Variants in BICC1 observed in about 807,000 individuals in gnomAD.
The protein encoded by BICC1 is protein bicaudal C homolog 1.
A neutral mutation model predicts 111.0 loss-of-function variants in BICC1; 43 were observed. The ratio of observed to expected loss-of-function variants is 0.39; its 90% CI spans 0.30 to 0.50. The LOEUF is 0.50. Ranked by LOEUF, BICC1 falls within the 20% of genes least tolerant of loss-of-function variation. The pLI is 0.88. For missense variants in BICC1, 1,091 were observed against 1,203.2 expected, an observed-to-expected ratio of 0.91 and a Z score of 1.38; for synonymous variants, 467 against 434.4, an observed-to-expected ratio of 1.07 and a Z score of -0.93.
chr10:58,556,809 C>T (rs1184106468), intron 1 of BICC1, among the ~76,000 whole-genome samples: 1 of 152,034 alleles, frequency 6.6e-6, no homozygotes, highest in African/African-American at 2.4e-5. Flanking sequence ...TGTTTCTTCT[C>T]AGTCATATGA....
intron 1 of BICC1, among the ~76,000 whole-genome samples, chr10:58,558,828 C>T (rs192832372): frequency 6.6e-6 from 1 of 152,142 alleles, no homozygotes; most frequent in African/African-American, 2.4e-5. Flanking sequence ...ATGATGCCTT[C>T]TAGCTGCATC....
intron 3 of BICC1, among the ~76,000 whole-genome samples, chr10:58,759,095 G>C (rs1842229870): frequency 6.6e-6 from 1 of 151,946 alleles, no homozygotes; most frequent in Non-Finnish European, 1.5e-5. Flanking sequence ...GAGTAGCTGG[G>C]ATTACAGGTG....
intron 3 of BICC1, among the ~76,000 whole-genome samples, chr10:58,728,923 A>G (rs1376061414): frequency 6.6e-6 from 1 of 152,130 alleles, no homozygotes; most frequent in Non-Finnish European, 1.5e-5. Context: ...AAGTCTCAAC[A>G]GTGGGCTTAA....
At chr10:58,638,869 TTCTCTTTTTTCTCTTC>T (rs1315501304) in intron 2 of BICC1, among the ~76,000 whole-genome samples, 2 of 1,174 alleles carry the variant, frequency 1.7e-3, no homozygotes, top group African/African-American at 6.8e-3. Context: ...CTTTTTTCTC[TTCTCTTTTTTCTCTTC>T]TCTTTTTTCT....
intron 2 of BICC1, among the ~76,000 whole-genome samples, chr10:58,679,847 T>G (rs2132355371): frequency 6.6e-6 from 1 of 152,286 alleles, no homozygotes; most frequent in Non-Finnish European, 1.5e-5. Context: ...CATGATCATG[T>G]TGGCTTTATC....
chr10:58,605,444 CCT>C (rs1278399231), intron 1 of BICC1, among the ~76,000 whole-genome samples: 1 of 152,158 alleles, frequency 6.6e-6, no homozygotes, highest in Admixed American at 6.5e-5. Context: ...CTTTTATCCT[CCT>C]CTGTTTTCCC....
intron 2 of BICC1, among the ~76,000 whole-genome samples, chr10:58,687,722 C>G (rs746814399): frequency 6.6e-6 from 1 of 152,102 alleles, no homozygotes; most frequent in Non-Finnish European, 1.5e-5. Flanking sequence ...ATTGGAAAAG[C>G]GCAGTATTAG....
At chr10:58,813,772 C>A in intron 17 of BICC1, 58 bp from the exon 18 acceptor site, 2 of 1,551,972 alleles carry the variant, frequency 1.3e-6, no homozygotes, top group Admixed American at 3.5e-5. Flanking sequence ...TTTTCTCCTC[C>A]CACCCTGAAA....
At chr10:58,827,102 G>GAGTC (rs1844422356) in intron 20 of BICC1, among the ~76,000 whole-genome samples, 1 of 152,166 alleles carries the variant, frequency 6.6e-6, no homozygotes, top group South Asian at 2.1e-4. Context: ...TTTAACATCA[G>GAGTC]AGTCGTCAAA....
intron 3 of BICC1, chr10:58,716,366 T>C: frequency 8.1e-7 from 1 of 1,233,962 alleles, no homozygotes; most frequent in Non-Finnish European, 1.1e-6. Context: ...CTACAACATA[T>C]TTACTAACAT....
rs184916833 is a variant in BICC1, at chr10:58,778,237, T to A, written c.308-6764T>A. Among the ~76,000 whole-genome samples, 365 of 152,160 alleles carry A rather than the reference T, an allele frequency of 2.4e-3. 1 individual carries two copies. The highest frequency in any genetic ancestry group is 8.3e-3 in the African/African-American group (344 of 41,516). The stretch of plus-strand genomic sequence containing the variant: ...CAAAAAAGTAATTAATTAATTAATT[T>A]AATTTAATAAGATACATAAAGATGA... On this transcript the variant is annotated intron_variant, in intron 3 of 20. Coordinates refer to ENST00000373886, the MANE Select transcript of BICC1 (RefSeq NM_001080512.3).
At chr10:58,606,884 C>T (rs1307798599) in intron 1 of BICC1, among the ~76,000 whole-genome samples, 5 of 151,918 alleles carry the variant, frequency 3.3e-5, no homozygotes, top group African/African-American at 7.3e-5. Context: ...TCTGGAAATT[C>T]GGTTAGTTGG....
At chr10:58,604,360 A>G (rs1457173717) in intron 1 of BICC1, among the ~76,000 whole-genome samples, 1 of 152,190 alleles carries the variant, frequency 6.6e-6, no homozygotes, top group East Asian at 1.9e-4. Flanking sequence ...TATAAATACT[A>G]TTAGGTCATG....
At chr10:58,546,217 G>T (rs1038817024) in intron 1 of BICC1, among the ~76,000 whole-genome samples, 6 of 152,172 alleles carry the variant, frequency 3.9e-5, no homozygotes, top group African/African-American at 1.4e-4. Flanking sequence ...CAGGATGGAA[G>T]GTTGCAGAGC....
At chr10:58,556,671 G>T (rs1169168996) in intron 1 of BICC1, among the ~76,000 whole-genome samples, 4 of 151,738 alleles carry the variant, frequency 2.6e-5, no homozygotes, top group African/African-American at 9.7e-5. Context: ...GTAAATATTT[G>T]CTGTGGAATC....
At chr10:58,627,321 T>G (rs956798364) in intron 2 of BICC1, among the ~76,000 whole-genome samples, 1 of 152,202 alleles carries the variant, frequency 6.6e-6, no homozygotes, top group Admixed American at 6.5e-5. Flanking sequence ...GGACCCTGGA[T>G]TACACACTTG....
chr10:58,683,562 A>G (rs953564737), intron 2 of BICC1, among the ~76,000 whole-genome samples: 1 of 152,220 alleles, frequency 6.6e-6, no homozygotes, highest in Admixed American at 6.5e-5. Context: ...TTCGTTGAGC[A>G]GTGGTTTGTA....
chr10:58,783,685 A>G (rs762131107), intron 3 of BICC1, among the ~76,000 whole-genome samples: 16 of 152,314 alleles, frequency 1.1e-4, no homozygotes, highest in Non-Finnish European at 2.1e-4. Flanking sequence ...AAAGTACAGG[A>G]TATAAAAGAC....
chr10:58,587,442 T>TA (rs1453206593), intron 1 of BICC1, among the ~76,000 whole-genome samples: 1 of 152,200 alleles, frequency 6.6e-6, no homozygotes, highest in Non-Finnish European at 1.5e-5. Context: ...AGTCAGTACA[T>TA]ACACTTACAG....
Sources: gnomAD v4.1 joint callset for allele counts (sites outside exome capture counted in the v4.1 genomes callset) on GRCh38, gnomAD v4.1.1 for gene constraint, MANE v1.5 for transcripts, NCBI Gene and HGNC (gene_info 2026-07-23, HGNC 2026-07-21) for gene names.